SPG7: variants seen among roughly 807,000 people sequenced by gnomAD.
SPG7 encodes SPG7 matrix AAA peptidase subunit, paraplegin.
SPG7 carries 103 observed loss-of-function variants against 81.9 expected under a neutral mutation model. That is an observed-to-expected ratio of 1.26 (90% CI 1.07 to 1.48). SPG7 has a LOEUF of 1.48. SPG7 is among the 40% of genes most tolerant of loss of function. SPG7 has a pLI of 0.00. For missense variants in SPG7, 1,241 were observed against 1,087.3 expected (o/e 1.14, Z -1.99); for synonymous variants, 534 against 444.2 (o/e 1.20, Z -2.54).
At chr16:89,551,898 A>C (rs964973923) in intron 13 of SPG7, 47 of 152,258 alleles carry the variant, frequency 3.1e-4, no homozygotes, top group African/African-American at 9.6e-4. Context: ...CTCAAAGGGA[A>C]AAAAAAAGAA....
intron 6 of SPG7, chr16:89,530,330 A>G (rs2058324266): frequency 5.7e-6 from 2 of 347,982 alleles, no homozygotes; most frequent in Non-Finnish European, 5.5e-6. Context: ...TATTTTTGGT[A>G]GAGACAGGTT....
At chr16:89,546,585 C>A (rs982148514) in intron 10 of SPG7, 73 bp from the exon 11 acceptor site, 7 of 990,308 alleles carry the variant, frequency 7.1e-6, no homozygotes, top group Admixed American at 3.4e-5. Context: ...CCCCCCCCCA[C>A]AGACAAACAT....
rs918865484 is a variant in SPG7, at chr16:89,532,130, C to T, written c.1150+64C>T. ...GACTACCTGGCTCCTTTCACACATC[C>T]TTCCTCTGGTGTCTGGACTGAAAGG... is the stretch of plus-strand genomic sequence containing the variant. On this transcript the variant is annotated intron_variant, in intron 8 of 16. Coordinates refer to ENST00000645818, the MANE Select transcript of SPG7 (RefSeq NM_003119.4). 11 of 1,522,624 alleles carry T rather than the reference C, an allele frequency of 7.2e-6. No homozygotes were observed. In the African/African-American group the frequency reaches 9.6e-5, roughly 13 times the overall value. The allele number at this position is 1,522,624 out of a possible 1,614,324, so 94.3% of individuals were successfully genotyped here.
At chr16:89,513,532 T>C (rs1404266223) in intron 3 of SPG7, among the ~76,000 whole-genome samples, 1 of 151,644 alleles carries the variant, frequency 6.6e-6, no homozygotes, top group African/African-American at 2.4e-5. Flanking sequence ...AAAAAAAATT[T>C]AAATTTAAAT....
intron 4 of SPG7, 56 bp from the exon 5 acceptor site, chr16:89,526,273 G>T: frequency 6.2e-7 from 1 of 1,608,638 alleles, no homozygotes; most frequent in South Asian, 1.1e-5. Context: ...GTTGACTGTA[G>T]GGTTGCTCGT....
intron 4 of SPG7, among the ~76,000 whole-genome samples, chr16:89,526,019 A>G (rs896215156): frequency 1.2e-4 from 19 of 152,176 alleles, no homozygotes; most frequent in African/African-American, 4.6e-4. Context: ...GAGGAAACAA[A>G]TTTTTTAGAC....
At chr16:89,526,809 G>T in intron 5 of SPG7, 1 of 350,438 alleles carries the variant, frequency 2.9e-6, no homozygotes, top group Non-Finnish European at 5.5e-6. Flanking sequence ...AGCCCCCGAC[G>T]TAGGATGGCG....
intron 9 of SPG7, chr16:89,543,555 C>G (rs1179613968): frequency 6.6e-6 from 1 of 151,022 alleles, no homozygotes; most frequent in African/African-American, 2.4e-5. Context: ...CCAGGATGGT[C>G]TAGAACTTCT....
intron 16 of SPG7, chr16:89,555,545 C>G (rs928763538): frequency 4.5e-6 from 1 of 220,664 alleles, no homozygotes; most frequent in African/African-American, 2.3e-5. Flanking sequence ...CTGAGTCTCC[C>G]CAGTGTCCTT....
chr16:89,513,324 C>T (rs2058047459), intron 3 of SPG7, among the ~76,000 whole-genome samples: 1 of 151,916 alleles, frequency 6.6e-6, no homozygotes, highest in Non-Finnish European at 1.5e-5. Flanking sequence ...CACCTGCACC[C>T]TGGCCAACAT....
At chr16:89,556,406 A>G in intron 16 of SPG7, 2 of 273,438 alleles carry the variant, frequency 7.3e-6, no homozygotes, top group Non-Finnish European at 1.4e-5. Context: ...AGGCCACCCC[A>G]GGGGCAGGTC....
At position 89,524,163 on chromosome 16, in the gene SPG7, C is replaced by A; in HGVS notation, c.534C>A (p.Gly178=). The A allele has an allele frequency of 6.2e-6, 10 of 1,614,026 alleles. No homozygotes were observed. The highest frequency in any genetic ancestry group is 8.5e-6 in the Non-Finnish European group (10 of 1,180,020). The part of the protein sequence containing the change: ...NDFVHEMLAK[G]EVQRVQVVPE... ...TTGTCCACGAGATGCTGGCCAAGGG[C>A]GAGGTGCAGCGCGTCCAGGTGGTGC... is the stretch of plus-strand genomic sequence containing the variant. Residue 178 remains glycine (G), a synonymous_variant, in exon 4 of 17, where the codon GGC becomes GGA. Coordinates refer to ENST00000645818, the MANE Select transcript of SPG7 (RefSeq NM_003119.4).
chr16:89,529,423 C>T (rs1039361274), intron 5 of SPG7, 54 bp from the exon 6 acceptor site: 7 of 1,186,100 alleles, frequency 5.9e-6, no homozygotes, highest in Admixed American at 1.9e-5. Context: ...TGGAAGCCTG[C>T]GTCTGTCACG....
At chr16:89,554,042 C>A in intron 15 of SPG7, 82 bp downstream of exon 15, 2 of 1,500,710 alleles carry the variant, frequency 1.3e-6, no homozygotes, top group East Asian at 2.3e-5. Flanking sequence ...GGGTCGCCCA[C>A]GGCCGCCCCA....
rs373636036 is a variant in SPG7 at position 89,524,176 on chromosome 16, G to A, written c.547G>A (p.Val183Ile). The change falls in exon 4 of 17, where the codon GTC (valine) becomes ATC (isoleucine). Residue 183 changes from valine (V) to isoleucine (I), a missense_variant. Transcript: ENST00000645818. ...EMLAKGEVQR[V>I]QVVPESDVVE... ...GCTGGCCAAGGGCGAGGTGCAGCGC[G>A]TCCAGGTGGTGCCTGAGAGCGACGT... 112 of 1,613,920 alleles carry A rather than the reference G, an allele frequency of 6.9e-5. No individual in the cohort carries two copies. The South Asian group carries it at 8.3e-4, about 12-fold the overall frequency.
chr16:89,525,373 A>G (rs965131438), intron 4 of SPG7, among the ~76,000 whole-genome samples: 2 of 152,194 alleles, frequency 1.3e-5, no homozygotes, highest in African/African-American at 4.8e-5. Context: ...ATGCCTGATT[A>G]TTTCAGTCTG....
intron 5 of SPG7, chr16:89,529,028 G>A (rs2058305921): frequency 4.1e-6 from 1 of 246,122 alleles, no homozygotes; most frequent in Non-Finnish European, 8.1e-6. Context: ...TGGCCAGGCT[G>A]GTCTCAAACT....
intron 2 of SPG7, 59 bp downstream of exon 2, chr16:89,510,651 T>G: frequency 9.7e-7 from 1 of 1,028,612 alleles, no homozygotes; most frequent in Non-Finnish European, 1.5e-6. Context: ...CCTCAGCTAC[T>G]TGGGAGGCTG....
chr16:89,531,826 C>A, intron 7 of SPG7, 78 bp from the exon 8 acceptor site: 1 of 1,485,790 alleles, frequency 6.7e-7, no homozygotes, highest in Non-Finnish European at 9.4e-7. Context: ...CCTGCGTGAC[C>A]CAGAGAGACC....
Sources: allele counts gnomAD v4.1 joint callset (sites outside exome capture counted in the v4.1 genomes callset), GRCh38; gene constraint gnomAD v4.1.1; transcripts MANE v1.5; gene names NCBI Gene and HGNC (gene_info 2026-07-23, HGNC 2026-07-21).